The following RGS6 variants were observed in gnomAD, a reference collection of about 807,000 sequenced individuals.
RGS6 encodes the protein regulator of G-protein signaling 6.
In RGS6, 30 loss-of-function variants were observed where a neutral mutation model predicts 78.5. That is an observed-to-expected ratio of 0.38 (90% CI 0.29 to 0.52). The LOEUF (loss-of-function observed/expected upper bound fraction) is 0.52, where lower values mean the gene tolerates loss of function less well. Ranked by LOEUF, RGS6 falls within the 20% of genes least tolerant of loss-of-function variation. RGS6 has a pLI of 0.85. For synonymous variants in RGS6, 206 were observed against 206.0 expected, an observed-to-expected ratio of 1.00 and a Z score of 0.00; for missense variants, 495 against 609.7, an observed-to-expected ratio of 0.81 and a Z score of 1.98.
the RGS6 span, among the ~76,000 whole-genome samples, chr14:71,923,058 G>C: frequency 6.6e-6 from 1 of 152,164 alleles, no homozygotes; most frequent in Non-Finnish European, 1.5e-5. Flanking sequence ...AAGCTCAGAA[G>C]CCTTTTTCCA....
At chr14:72,474,050 A>G (rs2096166076) in intron 9 of RGS6, 1 of 152,250 alleles carries the variant, frequency 6.6e-6, no homozygotes, top group Admixed American at 6.5e-5. Flanking sequence ...GTTCAATTTC[A>G]GTGGGAAACA....
chr14:72,017,321 A>G (rs1028196224), intron 2 of RGS6, among the ~76,000 whole-genome samples: 12 of 152,204 alleles, frequency 7.9e-5, no homozygotes, highest in Admixed American at 5.2e-4. Flanking sequence ...TGAACTCATT[A>G]ATTTTCATGG....
At chr14:72,197,979 T>C (rs920614872) in intron 2 of RGS6, among the ~76,000 whole-genome samples, 5 of 152,140 alleles carry the variant, frequency 3.3e-5, no homozygotes, top group Non-Finnish European at 5.9e-5. Flanking sequence ...TTTGTTATTA[T>C]ATTTTAATTG....
chr14:72,501,505 A>G (rs555736659), intron 13 of RGS6, among the ~76,000 whole-genome samples: 1 of 152,256 alleles, frequency 6.6e-6, no homozygotes, highest in East Asian at 1.9e-4. Context: ...ACAGAACAAG[A>G]CCCCTAAAGA....
At chr14:72,199,754 G>A (rs2041051401) in intron 2 of RGS6, among the ~76,000 whole-genome samples, 1 of 152,194 alleles carries the variant, frequency 6.6e-6, no homozygotes, top group African/African-American at 2.4e-5. Flanking sequence ...ATGATGTACA[G>A]GGTCTAAGTG....
chr14:72,246,423 T>C (rs115591437), intron 2 of RGS6, among the ~76,000 whole-genome samples: 5 of 152,216 alleles, frequency 3.3e-5, no homozygotes, highest in Admixed American at 2.6e-4. Context: ...CCTTTGGACG[T>C]GTTTCTTTTA....
At chr14:72,044,829 T>A (rs372322298) in intron 2 of RGS6, among the ~76,000 whole-genome samples, 6 of 152,064 alleles carry the variant, frequency 3.9e-5, no homozygotes, top group African/African-American at 1.4e-4. Flanking sequence ...GCCGAGATGA[T>A]GCCACTGCAC....
chr14:72,245,168 C>A (rs1291161488), intron 2 of RGS6, among the ~76,000 whole-genome samples: 1 of 152,230 alleles, frequency 6.6e-6, no homozygotes, highest in Admixed American at 6.5e-5. Flanking sequence ...GACAGAGTAA[C>A]AAGAGAAAAG....
intron 3 of RGS6, among the ~76,000 whole-genome samples, chr14:72,361,206 AT>A (rs34045934): frequency 0.41 from 61,479 of 151,298 alleles, 15,244 homozygotes; most frequent in African/African-American, 0.71. Context: ...AAGACAGGTA[AT>A]TTTTTTCCCC....
intron 2 of RGS6, among the ~76,000 whole-genome samples, chr14:72,321,070 G>C (rs1391567825): frequency 6.6e-6 from 1 of 151,340 alleles, no homozygotes; most frequent in Non-Finnish European, 1.5e-5. Context: ...CCAATGTTTA[G>C]TGCCTATTAA....
chr14:72,360,799 C>T (rs1484769498), intron 3 of RGS6, among the ~76,000 whole-genome samples: 1 of 152,036 alleles, frequency 6.6e-6, no homozygotes, highest in African/African-American at 2.4e-5. Context: ...CTCTGTGTCC[C>T]CACTCTGATT....
At chr14:72,346,353 C>T (rs1488182166) in intron 2 of RGS6, among the ~76,000 whole-genome samples, 1 of 152,130 alleles carries the variant, frequency 6.6e-6, no homozygotes, top group Non-Finnish European at 1.5e-5. Context: ...CGGGTCAAAG[C>T]AGAGACAAGA....
intron 2 of RGS6, among the ~76,000 whole-genome samples, chr14:72,254,750 CA>C (rs755373518): frequency 7.2e-5 from 11 of 152,132 alleles, no homozygotes; most frequent in Non-Finnish European, 1.6e-4. Flanking sequence ...CATGGAGCTA[CA>C]AAACAAAAGG....
chr14:72,021,664 G>T (rs1218841752), intron 2 of RGS6, among the ~76,000 whole-genome samples: 2 of 151,532 alleles, frequency 1.3e-5, no homozygotes, highest in African/African-American at 4.9e-5. Flanking sequence ...TAGAGACGGG[G>T]TTTCACCATG....
intron 2 of RGS6, among the ~76,000 whole-genome samples, chr14:72,331,681 C>T (rs1400706896): frequency 6.6e-6 from 1 of 152,172 alleles, no homozygotes; most frequent in African/African-American, 2.4e-5. Context: ...CTGACTGCCT[C>T]CAGGCACTTT....
chr14:71,997,864 T>G (rs1038413057), intron 2 of RGS6, among the ~76,000 whole-genome samples: 1 of 152,194 alleles, frequency 6.6e-6, no homozygotes, highest in African/African-American at 2.4e-5. Context: ...GTACAAGACA[T>G]GAAAACTTGG....
chr14:72,540,128 CTTTTGG>C, intron 17 of RGS6, 34 bp downstream of exon 17: 3 of 1,543,088 alleles, frequency 1.9e-6, no homozygotes, highest in South Asian at 1.2e-5. Context: ...CTCAGCTTTT[CTTTTGG>C]TTTTGGTTTT....
chr14:72,060,135 A>G (rs563524790), intron 2 of RGS6, among the ~76,000 whole-genome samples: 1 of 152,276 alleles, frequency 6.6e-6, no homozygotes, highest in South Asian at 2.1e-4. Flanking sequence ...CTCAAACAGG[A>G]GCAGTCATCC....
At chr14:72,029,499 A>G (rs866692781) in intron 2 of RGS6, among the ~76,000 whole-genome samples, 17 of 152,178 alleles carry the variant, frequency 1.1e-4, no homozygotes, top group South Asian at 2.1e-4. Flanking sequence ...TGGATTTCTT[A>G]AGTTATATCT....
Sources: gnomAD v4.1 joint callset for allele counts (sites outside exome capture counted in the v4.1 genomes callset) on GRCh38, gnomAD v4.1.1 for gene constraint, MANE v1.5 for transcripts, NCBI Gene and HGNC (gene_info 2026-07-23, HGNC 2026-07-21) for gene names.